The following MIB1 variants were observed in gnomAD, a reference collection of about 807,000 sequenced individuals.
The protein encoded by MIB1 is E3 ubiquitin-protein ligase MIB1.
In MIB1, 278 loss-of-function variants were observed where a neutral mutation model predicts 124.5. That is an observed-to-expected ratio of 2.23 (90% confidence interval 2.02 to 2.47). The LOEUF (loss-of-function observed/expected upper bound fraction) is 2.47, where lower values mean the gene tolerates loss of function less well. Ranked by LOEUF, MIB1 falls within the 30% of genes most tolerant of loss-of-function variation. The probability of loss-of-function intolerance (pLI) is 0.00; values close to 1 mark genes in which losing one functional copy is unlikely to be tolerated. For synonymous variants in MIB1, 446 were observed against 429.4 expected (o/e 1.04, Z -0.48); for missense variants, 957 against 1,254.4 (o/e 0.76, Z 3.58).
upstream of MIB1, among the ~76,000 whole-genome samples, chr18:21,736,803 G>GA (rs2040798544): frequency 6.6e-6 from 1 of 152,116 alleles, no homozygotes; most frequent in East Asian, 1.9e-4. Flanking sequence ...AAAGTGAGAA[G>GA]ACAAGATTAG....
intron 1 of MIB1, among the ~76,000 whole-genome samples, chr18:21,719,355 A>G (rs2040703885): frequency 6.7e-6 from 1 of 149,736 alleles, no homozygotes; most frequent in Non-Finnish European, 1.5e-5. Context: ...AAAGGACCAT[A>G]TGAAATCATA....
chr18:21,763,151 G>C (rs2041117662), intron 1 of MIB1, among the ~76,000 whole-genome samples: 1 of 151,810 alleles, frequency 6.6e-6, no homozygotes, highest in African/African-American at 2.4e-5. Context: ...CATGTGAAAG[G>C]AAGTGTTTTC....
rs1369216721 is a variant in MIB1 at position 21,853,169 on chromosome 18, G to C, written c.2616G>C (p.Lys872Asn). 6.2e-7 allele frequency: 1 copy of C among 1,613,622 alleles called. No individual in the cohort carries two copies. The highest frequency in any genetic ancestry group is 1.1e-5 in the South Asian group (1 of 91,066). ...AAGAATGTGTGGTATGCTCTGACAAGAAAGCAGCTGTTCTTTTTCAACCCT... is the reference window on the plus strand; with the variant it reads ...AAGAATGTGTGGTATGCTCTGACAACAAAGCAGCTGTTCTTTTTCAACCCT... ...KIEECVVCSD[K>N]KAAVLFQPCG... The change falls in exon 18 of 21, where the codon AAG (lysine) becomes AAC (asparagine). Residue 872 changes from lysine to asparagine, a missense_variant. Lys to Asn is a moderately conservative substitution (Grantham distance 94, BLOSUM62 0). Coordinates refer to ENST00000261537, the MANE Select transcript of MIB1 (RefSeq NM_020774.4).
intron 17 of MIB1, among the ~76,000 whole-genome samples, chr18:21,849,791 C>CT (rs1191395805): frequency 6.6e-6 from 1 of 152,024 alleles, no homozygotes; most frequent in African/African-American, 2.4e-5. Context: ...ATATGTTGCA[C>CT]TTTTTTTGGA....
At chr18:21,846,060 A>G (rs1859923724) in intron 15 of MIB1, among the ~76,000 whole-genome samples, 1 of 152,220 alleles carries the variant, frequency 6.6e-6, no homozygotes, top group African/African-American at 2.4e-5. Context: ...ACCAGCCCCC[A>G]GTCTTAATTA....
intron 1 of MIB1, among the ~76,000 whole-genome samples, chr18:21,714,353 T>C (rs2040679211): frequency 6.6e-6 from 1 of 152,192 alleles, no homozygotes; most frequent in African/African-American, 2.4e-5. Flanking sequence ...GTGAGTTTCA[T>C]GCTGGGAGTA....
chr18:21,726,838 A>G (rs1034227113), intron 1 of MIB1, among the ~76,000 whole-genome samples: 1 of 152,172 alleles, frequency 6.6e-6, no homozygotes, highest in Non-Finnish European at 1.5e-5. Context: ...TTAAAACCCT[A>G]AGTTCAGTGA....
intron 12 of MIB1, among the ~76,000 whole-genome samples, chr18:21,824,860 T>A (rs7242859): frequency 0.091 from 13,787 of 152,098 alleles, 693 homozygotes; most frequent in Middle Eastern, 0.14. Flanking sequence ...TTAAGAAAAT[T>A]ATACGGATGT....
At chr18:21,826,089 A>T in intron 12 of MIB1, 1 of 196,164 alleles carries the variant, frequency 5.1e-6, no homozygotes, top group Non-Finnish European at 1.1e-5. Flanking sequence ...TTACATGTAG[A>T]CAATAAGCTA....
chr18:21,816,844 G>T (rs1420525807), intron 11 of MIB1, among the ~76,000 whole-genome samples: 1 of 152,104 alleles, frequency 6.6e-6, no homozygotes, highest in Non-Finnish European at 1.5e-5. Context: ...GGGATCTAGA[G>T]TATGTCCTTG....
At chr18:21,773,868 A>G (rs999779750) in intron 4 of MIB1, 140 bp downstream of exon 4, 4 of 544,574 alleles carry the variant, frequency 7.3e-6, no homozygotes, top group Non-Finnish European at 1.3e-5. Context: ...AAACTATTTA[A>G]TAGTAAATAT....
chr18:21,709,749 A>G (rs1318848704), intron 1 of MIB1, among the ~76,000 whole-genome samples: 1 of 152,240 alleles, frequency 6.6e-6, no homozygotes, highest in African/African-American at 2.4e-5. Context: ...GTTTACCTCA[A>G]GCATGTAATG....
At chr18:21,705,556 A>AG (rs10701302) in intron 1 of MIB1, among the ~76,000 whole-genome samples, 1 of 100 alleles carries the variant, frequency 0.01, no homozygotes, top group Non-Finnish European at 0.023. Flanking sequence ...AATGGTTAGA[A>AG]TTTAATAGCC....
At chr18:21,776,181 G>C (rs940784673) in intron 4 of MIB1, among the ~76,000 whole-genome samples, 28 of 151,062 alleles carry the variant, frequency 1.9e-4, no homozygotes, top group South Asian at 1.5e-3. Flanking sequence ...GGTGGAAGTA[G>C]AAGGATCACT....
At chr18:21,864,460 T>C in intron 20 of MIB1, 66 bp from the exon 21 acceptor site, 1 of 1,270,932 alleles carries the variant, frequency 7.9e-7, no homozygotes. Flanking sequence ...ATTAATGATA[T>C]ATAACAGTCT....
At chr18:21,811,419 G>A (rs1261588244) in intron 10 of MIB1, among the ~76,000 whole-genome samples, 3 of 152,280 alleles carry the variant, frequency 2.0e-5, no homozygotes, top group East Asian at 3.9e-4. Context: ...TTGTTCACCT[G>A]TGTTTTTAGC....
At chr18:21,772,155 C>T (rs1355606155) in intron 3 of MIB1, among the ~76,000 whole-genome samples, 2 of 152,056 alleles carry the variant, frequency 1.3e-5, no homozygotes. Context: ...AAATACCTGG[C>T]TTACAAAACT....
chr18:21,773,556 A>G, intron 3 of MIB1, 68 bp from the exon 4 acceptor site: 3 of 961,318 alleles, frequency 3.1e-6, no homozygotes, highest in South Asian at 3.1e-5. Context: ...TTTAAATGTA[A>G]TAATTAAAAG....
At chr18:21,757,698 C>T (rs940613361) in intron 1 of MIB1, among the ~76,000 whole-genome samples, 1 of 151,184 alleles carries the variant, frequency 6.6e-6, no homozygotes, top group African/African-American at 2.4e-5. Flanking sequence ...GTTGACCAGG[C>T]TAGTCTCAAA....
Sources: gnomAD v4.1 joint callset for allele counts (sites outside exome capture counted in the v4.1 genomes callset) on GRCh38, gnomAD v4.1.1 for gene constraint, MANE v1.5 for transcripts, NCBI Gene and HGNC (gene_info 2026-07-23, HGNC 2026-07-21) for gene names.